The following VWF variants were observed in gnomAD, a reference collection of about 807,000 sequenced individuals.
VWF encodes the protein Factor VIII related antigen.
VWF carries 176 observed loss-of-function variants against 308.6 expected under a neutral mutation model. That is an observed-to-expected ratio of 0.57 (90% CI 0.50 to 0.65). The LOEUF is 0.65. VWF is among the 30% of genes least tolerant of loss of function. VWF has a pLI of 0.00. For synonymous variants in VWF, 1,385 were observed against 1,443.4 expected (o/e 0.96, Z 0.92); for missense variants, 3,146 against 3,648.2 (o/e 0.86, Z 3.55).
intron 47 of VWF, among the ~76,000 whole-genome samples, chr12:5,961,842 G>C (rs1322061126): frequency 6.6e-6 from 1 of 151,892 alleles, no homozygotes; most frequent in Non-Finnish European, 1.5e-5. Context: ...GTGAATGTGT[G>C]TGTCCCTACA....
At chr12:6,008,500 TAAG>T (rs1943955995) in intron 34 of VWF, among the ~76,000 whole-genome samples, 1 of 152,064 alleles carries the variant, frequency 6.6e-6, no homozygotes, top group Non-Finnish European at 1.5e-5. Flanking sequence ...TTCAACAAAC[TAAG>T]AATAGAAGAA....
chr12:6,046,701 C>T lies in VWF; in HGVS notation c.2281+22G>A. On this transcript the variant is annotated intron_variant, in intron 17 of 51. Transcript: ENST00000261405. This position sits in a 1 kb window ranked among gnomAD's most constrained non-coding sequence, Gnocchi z 5.0. ...TCTGGGCAGGATGGAGTCAATGGGC[C>T]TTCCAGGGGGACAGTACTCACTGCG... 1 of 1,611,904 alleles carries T rather than the reference C, an allele frequency of 6.2e-7. No individual in the cohort carries two copies. Among genetic ancestry groups the T allele is most frequent in the Non-Finnish European group, 8.5e-7 (1 of 1,178,078 alleles).
Position 6,026,056 on chromosome 12 carries a change from C to G in VWF, c.2968-10G>C. ...GGCCACACACTTTCTCCTTGAGAGACAAGTTGAGGGATGAGCACCGTCAAG... is the reference window on the plus strand; with the variant it reads ...GGCCACACACTTTCTCCTTGAGAGAGAAGTTGAGGGATGAGCACCGTCAAG... On this transcript the variant is annotated splice_polypyrimidine_tract_variant and intron_variant, in intron 22 of 51. Coordinates refer to ENST00000261405, the MANE Select transcript of VWF (RefSeq NM_000552.5). The G allele has an allele frequency of 6.2e-7, 1 of 1,613,900 alleles. No homozygotes were observed. The highest frequency in any genetic ancestry group is 8.5e-7 in the Non-Finnish European group (1 of 1,179,850).
At chr12:6,065,383 G>A in intron 10 of VWF, 110 bp from the exon 11 acceptor site, 1 of 1,408,844 alleles carries the variant, frequency 7.1e-7, no homozygotes, top group Non-Finnish European at 9.8e-7. Flanking sequence ...AAACTGCATG[G>A]ACGTCCTTTG....
At chr12:6,098,077 C>T (rs933616615) in intron 5 of VWF, among the ~76,000 whole-genome samples, 17 of 151,712 alleles carry the variant, frequency 1.1e-4, no homozygotes, top group South Asian at 2.1e-4. Flanking sequence ...ACGAGACATA[C>T]ACTGTCCAAG....
Position 6,025,962 on chromosome 12 carries a change from G to C in VWF, c.3052C>G (p.Pro1018Ala). Reference protein sequence around the residue: ...TSSNLQVEEDPVDFGNSWKVS... With the variant: ...TSSNLQVEEDAVDFGNSWKVS... Reference sequence around the variant, plus strand: ...TTCCAGGAGTTCCCAAAGTCCACAGGGTCTTCCTCCACTTGGAGGTTGCTG... The same window carrying C: ...TTCCAGGAGTTCCCAAAGTCCACAGCGTCTTCCTCCACTTGGAGGTTGCTG... The change falls in exon 23 of 52, where the codon CCT becomes GCT. Residue 1018 changes from proline to alanine, a missense_variant. By Grantham distance (27) the Pro-to-Ala change is conservative (BLOSUM62 -1). Transcript: ENST00000261405. 1 of 1,613,960 alleles carries C rather than the reference G, an allele frequency of 6.2e-7. No individual in the cohort carries two copies. The highest frequency in any genetic ancestry group is 8.5e-7 in the Non-Finnish European group (1 of 1,179,866).
chr12:6,087,578 G>C (rs1220723064), intron 6 of VWF, among the ~76,000 whole-genome samples: 3 of 149,986 alleles, frequency 2.0e-5, no homozygotes, highest in Non-Finnish European at 4.4e-5. Context: ...TGTTAGCCAG[G>C]ATGGTCTCGA....
chr12:6,072,277 C>T (rs1283921262), intron 9 of VWF, 54 bp downstream of exon 9: 3 of 1,559,494 alleles, frequency 1.9e-6, no homozygotes, highest in African/African-American at 2.7e-5. Context: ...ACCCAGCTTC[C>T]CTCCCCAGTC....
chr12:5,952,154 T>C, intron 49 of VWF: 4 of 662,434 alleles, frequency 6.0e-6, no homozygotes, highest in Non-Finnish European at 1.0e-5. Context: ...TCACATTTTA[T>C]TCAAGAATCA....
At chr12:6,054,045 T>C (rs550027088) in intron 15 of VWF, among the ~76,000 whole-genome samples, 8 of 152,332 alleles carry the variant, frequency 5.3e-5, no homozygotes, top group African/African-American at 1.9e-4. Flanking sequence ...ACCCTGGGCA[T>C]GCTTCTTCTG....
intron 10 of VWF, among the ~76,000 whole-genome samples, chr12:6,068,988 C>G (rs1410311023): frequency 1.3e-5 from 2 of 151,806 alleles, no homozygotes; most frequent in Non-Finnish European, 1.5e-5. Context: ...TCCCAAGTAC[C>G]TGGGACTACA....
In VWF at chr12:6,027,869, CACACA is replaced by C. The variant is rs1565835344; in HGVS notation, c.2967+1468_2967+1472del. On this transcript the variant is annotated intron_variant, in intron 22 of 51. Transcript: ENST00000261405. The stretch of plus-strand genomic sequence containing the variant: ...ACACATACACACACACACACACACA[CACACA>C]CACACACACCCCTAAACAAAAAAAC... Among the ~76,000 whole-genome samples the C allele has an allele frequency of 3.4e-3, 522 of 151,830 alleles. 4 individuals carry two copies. Among genetic ancestry groups the C allele is most frequent in the African/African-American group, 0.012 (491 of 41,430 alleles).
intron 38 of VWF, among the ~76,000 whole-genome samples, chr12:5,987,169 C>T (rs1943688964): frequency 6.6e-6 from 1 of 152,246 alleles, no homozygotes; most frequent in East Asian, 1.9e-4. Context: ...CTCAAGTGAT[C>T]CACCTGCCTC....
chr12:5,967,607 A>T lies in VWF; in HGVS notation c.7771-5T>A. On this transcript the variant is annotated splice_region_variant and splice_polypyrimidine_tract_variant and intron_variant, in intron 46 of 51. Transcript: ENST00000261405. ...GATCATCACAGTCTTCCCGGGCTGG[A>T]AGCAGAGGCACCAGGGTCAGGCCCC... The T allele has an allele frequency of 6.2e-7, 1 of 1,613,116 alleles. No homozygotes were observed. Among genetic ancestry groups the T allele is most frequent in the East Asian group, 2.2e-5 (1 of 44,856 alleles).
At chr12:5,983,555 G>GATAGATAGATAGATAGATAGATGATAA (rs1565818841) in intron 40 of VWF, among the ~76,000 whole-genome samples, 1 of 151,836 alleles carries the variant, frequency 6.6e-6, no homozygotes, top group Non-Finnish European at 1.5e-5. Flanking sequence ...ATGATAGATA[G>GATAGATAGATAGATAGATAGATGATAA]AGGATAGATG....
intron 38 of VWF, 53 bp downstream of exon 38, chr12:5,991,766 T>C: frequency 6.3e-7 from 1 of 1,588,462 alleles, no homozygotes; most frequent in East Asian, 2.2e-5. Flanking sequence ...ATATCTCCCT[T>C]TTGACCCAAG....
At position 6,065,150 on chromosome 12, in the gene VWF, A is replaced by G. The variant is rs61754007; in HGVS notation, c.1280T>C (p.Ile427Thr). The change falls in exon 11 of 52, where the codon ATT (isoleucine) becomes ACT (threonine). Residue 427 changes from isoleucine (I) to threonine (T), a missense_variant. Coordinates refer to ENST00000261405, the MANE Select transcript of VWF (RefSeq NM_000552.5). ...GGCAAAGCTCACCTGGACAGTCTCA[A>G]TGACAATGGAGAAGGAGTGGTCCTG... Reference protein sequence around the residue: ...DCQDHSFSIVIETVQCADDRD... With the variant: ...DCQDHSFSIVTETVQCADDRD... The G allele has an allele frequency of 1.2e-5, 20 of 1,614,110 alleles. No homozygotes were observed. Among genetic ancestry groups the G allele is most frequent in the Non-Finnish European group, 1.5e-5 (18 of 1,180,050 alleles).
intron 6 of VWF, among the ~76,000 whole-genome samples, chr12:6,092,628 T>TGAGAGAGAGAGAGAGAGAGAGAGAGAGA (rs1565386731): frequency 4.0e-4 from 32 of 80,234 alleles, no homozygotes; most frequent in African/African-American, 2.2e-3. Flanking sequence ...AGTGTGTGTG[T>TGAGAGAGAGAGAGAGAGAGAGAGAGAGA]GTGTGTGTGT....
intron 48 of VWF, 42 bp from the exon 49 acceptor site, chr12:5,952,561 G>C (rs1158431529): frequency 6.2e-7 from 1 of 1,606,478 alleles, no homozygotes. Flanking sequence ...GACAGTGTTT[G>C]GTTCACAAAG....
Sources: gnomAD v4.1 joint callset for allele counts (sites outside exome capture counted in the v4.1 genomes callset) on GRCh38, gnomAD v4.1.1 for gene constraint, Gnocchi (gnomAD v3.1) non-coding constraint, MANE v1.5 for transcripts, NCBI Gene and HGNC (gene_info 2026-07-23, HGNC 2026-07-21) for gene names.